The following LMLN variants were observed in gnomAD, a reference collection of about 807,000 sequenced individuals.
LMLN encodes leishmanolysin like peptidase.
In LMLN, 70 loss-of-function variants were observed where a neutral mutation model predicts 92.3. The observed-to-expected ratio is 0.76, with a 90% CI of 0.63 to 0.92. The LOEUF (loss-of-function observed/expected upper bound fraction) is 0.92. Ranked by LOEUF, LMLN falls within the 40% of genes least tolerant of loss-of-function variation. The pLI is 0.00. For synonymous variants in LMLN, 308 were observed against 296.2 expected (o/e 1.04, Z -0.41); for missense variants, 691 against 814.6 (o/e 0.85, Z 1.85).
intron 14 of LMLN, among the ~76,000 whole-genome samples, chr3:198,029,153 C>T (rs376070537): frequency 2.0e-5 from 3 of 152,152 alleles, no homozygotes; most frequent in Non-Finnish European, 2.9e-5. Flanking sequence ...TCTATAAAGA[C>T]GGTCAATACA....
In LMLN at chr3:198,031,450, G is replaced by C. The variant is rs562400406; in HGVS notation, c.1657-4383G>C. On this transcript the variant is annotated intron_variant, in intron 14 of 15. Transcript: ENST00000330198. This position sits in a 1 kb window ranked among gnomAD's most constrained non-coding sequence, Gnocchi z 4.8. ...TGCTGTGTTGAAGTCCCTTTAGCTG[G>C]AAACCTTTGTGCCAAAACAGCACAT... 6.6e-6 allele frequency among the ~76,000 whole-genome samples: 1 copy of C among 152,160 alleles called. No homozygotes were observed. The highest frequency in any genetic ancestry group is 1.9e-4 in the East Asian group (1 of 5,190).
At chr3:197,964,689 G>A (rs934839143) in intron 1 of LMLN, among the ~76,000 whole-genome samples, 37 of 147,610 alleles carry the variant, frequency 2.5e-4, no homozygotes, top group South Asian at 7.2e-4. Context: ...GAGCCACCAC[G>A]CCCGGCCTAA....
chr3:198,013,474 C>T (rs1289506919), intron 11 of LMLN, among the ~76,000 whole-genome samples: 4 of 137,530 alleles, frequency 2.9e-5, no homozygotes, highest in African/African-American at 1.2e-4. Flanking sequence ...CCCATCAGAG[C>T]CCCCTAACTA....
chr3:197,973,754 A>G (rs1474007572), intron 1 of LMLN, among the ~76,000 whole-genome samples: 2 of 152,246 alleles, frequency 1.3e-5, no homozygotes, highest in African/African-American at 4.8e-5. Context: ...TCTTGTATAC[A>G]TCTGCAGAAA....
intron 9 of LMLN, among the ~76,000 whole-genome samples, chr3:197,991,102 T>C (rs1289773821): frequency 7.0e-6 from 1 of 141,952 alleles, no homozygotes; most frequent in Non-Finnish European, 1.5e-5. Context: ...TCTTTTATTT[T>C]CTTTCTTTCT....
At position 197,997,933 on chromosome 3, in the gene LMLN, C is replaced by T. The variant is rs114502535; in HGVS notation, c.1156-1333C>T. ...GAGCAACTTATTTATATCTGTGATA[C>T]CCAGGATGGGGTTTCAGGTGGTGTT... On this transcript the variant is annotated intron_variant, in intron 10 of 15. Transcript: ENST00000330198. Among the ~76,000 whole-genome samples, 405 of 152,264 alleles carry T rather than the reference C, an allele frequency of 2.7e-3. 4 individuals are homozygous for T. The highest frequency in any genetic ancestry group is 8.7e-3 in the African/African-American group (361 of 41,550).
chr3:197,974,528 A>T (rs1721315830), intron 2 of LMLN, 54 bp downstream of exon 2: 1 of 987,062 alleles, frequency 1.0e-6, no homozygotes, highest in East Asian at 2.9e-5. Context: ...AATGTTAAAG[A>T]TATTTTTGTC....
At chr3:197,971,991 C>T (rs553326325) in intron 1 of LMLN, among the ~76,000 whole-genome samples, 21 of 107,948 alleles carry the variant, frequency 1.9e-4, no homozygotes, top group Admixed American at 3.6e-4. Context: ...TTCTCTTCTT[C>T]GGATTGGATA....
chr3:198,011,058 C>G (rs1190483830), intron 11 of LMLN, among the ~76,000 whole-genome samples: 1 of 151,822 alleles, frequency 6.6e-6, no homozygotes, highest in Non-Finnish European at 1.5e-5. Flanking sequence ...GATTTGAGTT[C>G]TTTTAAATTT....
At chr3:198,022,880 A>AAATT (rs1252986233) in intron 13 of LMLN, among the ~76,000 whole-genome samples, 1 of 152,184 alleles carries the variant, frequency 6.6e-6, no homozygotes, top group Admixed American at 6.5e-5. Context: ...ATAAATAAAT[A>AAATT]AATATCCTAA....
At chr3:198,023,180 TTTATTA>T (rs60913650) in intron 13 of LMLN, among the ~76,000 whole-genome samples, 39 of 150,306 alleles carry the variant, frequency 2.6e-4, no homozygotes, top group Admixed American at 1.5e-3. Flanking sequence ...TGAATTCTGT[TTTATTA>T]TTATTATTAT....
intron 14 of LMLN, among the ~76,000 whole-genome samples, chr3:198,028,924 C>T (rs575452577): frequency 1.3e-5 from 2 of 152,290 alleles, no homozygotes; most frequent in African/African-American, 4.8e-5. Flanking sequence ...ATTAAAGAGT[C>T]GTTCTTAGTA....
chr3:198,030,766 T>C (rs1723057027), intron 14 of LMLN, among the ~76,000 whole-genome samples: 1 of 152,240 alleles, frequency 6.6e-6, no homozygotes, highest in Non-Finnish European at 1.5e-5. Flanking sequence ...ATGGAACATA[T>C]CTTCTAGTGG....
chr3:197,978,510 A>G (rs181775984), intron 5 of LMLN, among the ~76,000 whole-genome samples: 145 of 152,160 alleles, frequency 9.5e-4, no homozygotes, highest in African/African-American at 3.3e-3. Context: ...GGTGGTGTGC[A>G]CCTGTGGTCC....
chr3:198,011,823 G>A (rs1722451030), intron 11 of LMLN, among the ~76,000 whole-genome samples: 1 of 152,062 alleles, frequency 6.6e-6, no homozygotes, highest in Non-Finnish European at 1.5e-5. Context: ...ATTCTAACTG[G>A]TGTGAGATGG....
chr3:198,027,960 T>C (rs1261120938), intron 14 of LMLN, among the ~76,000 whole-genome samples: 5 of 152,212 alleles, frequency 3.3e-5, no homozygotes, highest in Non-Finnish European at 7.3e-5. Context: ...GAGGGGTTTT[T>C]GGTGTTATTT....
At chr3:197,997,617 T>G (rs1360410257) in intron 10 of LMLN, among the ~76,000 whole-genome samples, 1 of 152,208 alleles carries the variant, frequency 6.6e-6, no homozygotes, top group Non-Finnish European at 1.5e-5. Flanking sequence ...CTGTACAGCA[T>G]TTTTGTATTG....
At chr3:197,981,908 G>A (rs187335212) in intron 6 of LMLN, among the ~76,000 whole-genome samples, 124 of 151,920 alleles carry the variant, frequency 8.2e-4, no homozygotes, top group Admixed American at 2.0e-3. Flanking sequence ...GGGTTCAAGC[G>A]ATTCTCCTGC....
intron 1 of LMLN, among the ~76,000 whole-genome samples, chr3:197,962,247 C>A (rs1480150825): frequency 6.6e-6 from 1 of 151,772 alleles, no homozygotes; most frequent in African/African-American, 2.4e-5. Flanking sequence ...GGTATGTACT[C>A]CTCTGTATTT....
Sources: gnomAD v4.1 joint callset for allele counts (sites outside exome capture counted in the v4.1 genomes callset) on GRCh38, gnomAD v4.1.1 for gene constraint, Gnocchi (gnomAD v3.1) non-coding constraint, MANE v1.5 for transcripts, NCBI Gene and HGNC (gene_info 2026-07-23, HGNC 2026-07-21) for gene names.